Variants in DPH7 observed in about 807,000 individuals in gnomAD.
DPH7 encodes the protein diphthine methyltransferase.
DPH7 carries 44 observed loss-of-function variants against 41.7 expected under a neutral mutation model. The ratio of observed to expected loss-of-function variants is 1.05; its 90% confidence interval spans 0.83 to 1.36. The LOEUF (loss-of-function observed/expected upper bound fraction) is 1.36. Among genes scored for constraint, DPH7 ranks in the 40% most tolerant of loss-of-function variants. The probability of loss-of-function intolerance (pLI) is 0.00; values close to 1 mark genes in which losing one functional copy is unlikely to be tolerated. For synonymous variants in DPH7, 275 were observed against 238.0 expected, an observed-to-expected ratio of 1.16 and a Z score of -1.43; for missense variants, 629 against 577.5, an observed-to-expected ratio of 1.09 and a Z score of -0.91.
chr9:137,560,248 T>A (rs1241755332), intron 8 of DPH7, among the ~76,000 whole-genome samples: 1 of 151,976 alleles, frequency 6.6e-6, no homozygotes, highest in Non-Finnish European at 1.5e-5. Context: ...CTCCTAAGCG[T>A]CTCTCAGGAG....
At position 137,554,790 on chromosome 9, in the gene DPH7, T is replaced by C. The variant is rs997481589; in HGVS notation, c.*449A>G. The C allele has an allele frequency of 6.5e-6, 1 of 154,444 alleles. No homozygotes were observed. Among genetic ancestry groups the C allele is most frequent in the African/African-American group, 2.4e-5 (1 of 41,488 alleles). 9.6% of individuals were successfully genotyped at this position (154,444 alleles called of 1,614,324 possible). ...TCACATGAGTTCAGCTGCGGGATTT[T>C]CCAAAAGTTTTGGGATTTTGGATTT... On this transcript the variant is annotated 3_prime_UTR_variant, in exon 9 of 9. Transcript: ENST00000277540.
chr9:137,574,156 C>T, intron 5 of DPH7, 52 bp downstream of exon 5: 1 of 1,579,354 alleles, frequency 6.3e-7, no homozygotes, highest in South Asian at 1.1e-5. Flanking sequence ...TCTCCCTCCG[C>T]CCCTTCCTCA....
Position 137,554,529 on chromosome 9 carries a change from CCT to C in DPH7, c.*708_*709del, listed in dbSNP as rs1457789677. ...CCCTGGCTCATTGCAGCCTCGACCT[CCT>C]GGGCTCAACAATCCTCCTGCCTCAG... On this transcript the variant is annotated 3_prime_UTR_variant, in exon 9 of 9. Coordinates refer to ENST00000277540, the MANE Select transcript of DPH7 (RefSeq NM_138778.5). 2.0e-5 allele frequency among the ~76,000 whole-genome samples: 3 copies of C among 152,178 alleles called. No homozygotes were observed. Among genetic ancestry groups the C allele is most frequent in the Admixed American group, 6.5e-5 (1 of 15,272 alleles).
rs1417410412 is a variant in DPH7, at chr9:137,573,502, CCCCA to C, written c.640+702_640+705del. On this transcript the variant is annotated intron_variant, in intron 5 of 8. Coordinates refer to ENST00000277540, the MANE Select transcript of DPH7 (RefSeq NM_138778.5). ...GACCATCCTGGCTAACACGGTGAAA[CCCCA>C]TCTCTCTAAAAAAAAAACTACAAAA... Among the ~76,000 whole-genome samples the C allele has an allele frequency of 2.0e-5, 3 of 147,212 alleles. No individual in the cohort carries two copies. In the Admixed American group the frequency reaches 2.1e-4, roughly 10 times the overall value.
Position 137,576,435 on chromosome 9 carries a change from T to C in DPH7, c.288-268A>G. ...TAGAAAAGATACAGTAAGAATACAA[T>C]ATAAAGGATAAAAAACAGGTGGCCG... On this transcript the variant is annotated intron_variant, in intron 2 of 8. Coordinates refer to ENST00000277540, the MANE Select transcript of DPH7 (RefSeq NM_138778.5). 9.3e-6 allele frequency: 4 copies of C among 428,288 alleles called. No homozygotes were observed. In the South Asian group the frequency reaches 1.5e-4, roughly 16 times the overall value. The allele number at this position is 428,288 out of a possible 1,614,324, so 26.5% of individuals were successfully genotyped here. A position where few individuals can be genotyped will look rare whatever the true frequency, so the allele number is the denominator to read the frequency against.
In DPH7 at chr9:137,574,735, C is replaced by T. The variant is rs371261374; in HGVS notation, c.467+17G>A. 6.9e-6 allele frequency: 11 copies of T among 1,598,100 alleles called. No homozygotes were observed. The African/African-American group carries it at 1.2e-4, about 17-fold the overall frequency. ...TCAGAGAAAGACTCAGGACCCCTGA[C>T]CAAGCCTGGCCCTTACCTTCCAGTT... On this transcript the variant is annotated intron_variant, in intron 4 of 8. Coordinates refer to ENST00000277540, the MANE Select transcript of DPH7 (RefSeq NM_138778.5).
rs1470155247 is a variant in DPH7 at position 137,578,891 on chromosome 9, G to A, written c.-114C>T. On this transcript the variant is annotated 5_prime_UTR_variant, in exon 1 of 9. Coordinates refer to ENST00000277540, the MANE Select transcript of DPH7 (RefSeq NM_138778.5). The stretch of plus-strand genomic sequence containing the variant: ...CGGCCGGACGAGCGCAGAGCCCCAG[G>A]GACACCGTCAGCGCGGGCCGCCTCT... 2.6e-6 allele frequency: 3 copies of A among 1,140,114 alleles called. No homozygotes were observed. The highest frequency in any genetic ancestry group is 4.3e-5 in the Admixed American group (1 of 23,388). The allele number at this position is 1,140,114 out of a possible 1,614,324, so 70.6% of individuals were successfully genotyped here.
chr9:137,558,865 G>C (rs1050618649), intron 8 of DPH7, among the ~76,000 whole-genome samples: 70 of 152,166 alleles, frequency 4.6e-4, no homozygotes, highest in Non-Finnish European at 5.0e-4. Context: ...CTCCCAAGTA[G>C]CTGGGACTAC....
At chr9:137,576,885 G>A (rs1056673799) in intron 2 of DPH7, among the ~76,000 whole-genome samples, 10 of 148,252 alleles carry the variant, frequency 6.7e-5, no homozygotes, top group Middle Eastern at 3.4e-3. Context: ...GCGAGACTCC[G>A]TCTCAAAAAA....
intron 5 of DPH7, among the ~76,000 whole-genome samples, chr9:137,569,058 G>C (rs1839924252): frequency 6.6e-6 from 1 of 152,070 alleles, no homozygotes; most frequent in African/African-American, 2.4e-5. Context: ...TTGGTGCACT[G>C]AACCACAACC....
Position 137,564,296 on chromosome 9 carries a change from C to T in DPH7, c.949+138G>A, listed in dbSNP as rs558279487. The T allele has an allele frequency of 2.5e-4, 270 of 1,090,846 alleles. No individual in the cohort carries two copies. In the East Asian group the frequency reaches 5.6e-3, roughly 22 times the overall value. The allele number at this position is 1,090,846 out of a possible 1,614,324, so 67.6% of individuals were successfully genotyped here. ...GATCACGACCAAGTCTAGGGCGCGA[C>T]GCTGGGAGTGTGTAAAAGCTGAGGG... is the stretch of plus-strand genomic sequence containing the variant. On this transcript the variant is annotated intron_variant, in intron 8 of 8. Coordinates refer to ENST00000277540, the MANE Select transcript of DPH7 (RefSeq NM_138778.5).
rs551006961 is a variant in DPH7, at chr9:137,577,707, G to A, written c.154-104C>T. ...ACTCAAAGGTTTGCCATGACTAAAG[G>A]AGTGGAATTCTGCCTGGAAGGAGAA... On this transcript the variant is annotated intron_variant, in intron 1 of 8. Transcript: ENST00000277540. 5 of 1,427,058 alleles carry A rather than the reference G, an allele frequency of 3.5e-6. No individual in the cohort carries two copies. In the African/African-American group the frequency reaches 5.7e-5, roughly 16 times the overall value. The allele number at this position is 1,427,058 out of a possible 1,614,324, so 88.4% of individuals were successfully genotyped here.
chr9:137,576,937 C>G (rs1326064433), intron 2 of DPH7, among the ~76,000 whole-genome samples: 1 of 151,620 alleles, frequency 6.6e-6, no homozygotes, highest in Admixed American at 6.6e-5. Flanking sequence ...AGTCTGAAGT[C>G]TCAGCTACTC....
At chr9:137,558,232 A>C (rs1398013695) in intron 8 of DPH7, among the ~76,000 whole-genome samples, 1 of 152,164 alleles carries the variant, frequency 6.6e-6, no homozygotes, top group Non-Finnish European at 1.5e-5. Flanking sequence ...TCACCTCTTC[A>C]ACTTTAAGAA....
intron 1 of DPH7, chr9:137,578,257 C>T (rs1841783797): frequency 6.5e-6 from 1 of 153,234 alleles, no homozygotes; most frequent in African/African-American, 2.4e-5. Flanking sequence ...CTCTGCCTCC[C>T]GGGTTCACGC....
At chr9:137,575,256 T>G (rs1841180329) in intron 3 of DPH7, 18 of 995,896 alleles carry the variant, frequency 1.8e-5, no homozygotes, top group Non-Finnish European at 2.0e-5. Context: ...ATGGGGAAAC[T>G]CCTCTGGTTT....
At chr9:137,557,994 G>A (rs1185949868) in intron 8 of DPH7, among the ~76,000 whole-genome samples, 3 of 152,144 alleles carry the variant, frequency 2.0e-5, no homozygotes, top group African/African-American at 7.2e-5. Context: ...AAATTAGCCA[G>A]GCGTGGTGGC....
At chr9:137,563,583 T>C (rs1319584928) in intron 8 of DPH7, among the ~76,000 whole-genome samples, 2 of 149,192 alleles carry the variant, frequency 1.3e-5, no homozygotes, top group Non-Finnish European at 3.0e-5. Flanking sequence ...GTCAATCAAG[T>C]CCTTGAGTAC....
Position 137,565,142 on chromosome 9 carries a change from C to T in DPH7, c.653G>A (p.Gly218Asp), listed in dbSNP as rs765825422. The T allele has an allele frequency of 2.5e-6, 4 of 1,614,006 alleles. No homozygotes were observed. Among genetic ancestry groups the T allele is most frequent in the Non-Finnish European group, 3.4e-6 (4 of 1,180,012 alleles). Reference protein sequence around the residue: ...PEIVYSGGDDGLLRGWDTRVP... With the variant: ...PEIVYSGGDDDLLRGWDTRVP... ...CCTGGTGTCCCAGCCCCTCAGAAGG[C>T]CATCGTCGCCCCCTGTGTGGAGAAA... Residue 218 changes from glycine (G) to aspartate (D), a missense_variant, in exon 6 of 9, where the codon GGC becomes GAC. By Grantham distance (94) the Gly-to-Asp change is moderately conservative (BLOSUM62 -1). Transcript: ENST00000277540.
Sources: gnomAD v4.1 joint callset for allele counts (sites outside exome capture counted in the v4.1 genomes callset) on GRCh38, gnomAD v4.1.1 for gene constraint, MANE v1.5 for transcripts, NCBI Gene and HGNC (gene_info 2026-07-23, HGNC 2026-07-21) for gene names.